The following FMN2 variants were observed in gnomAD, a reference collection of about 807,000 sequenced individuals.
FMN2 encodes formin-2.
FMN2 carries 51 observed loss-of-function variants against 142.3 expected under a neutral mutation model. That is an observed-to-expected ratio of 0.36 (90% CI 0.29 to 0.45). FMN2 has a LOEUF of 0.45. FMN2 is among the 20% of genes least tolerant of loss of function. The pLI is 1.00. For synonymous variants in FMN2, 882 were observed against 869.8 expected (o/e 1.01, Z -0.25); for missense variants, 1,936 against 2,122.8 (o/e 0.91, Z 1.73).
chr1:240,161,193 C>T (rs183539133), intron 2 of FMN2, among the ~76,000 whole-genome samples: 10 of 152,162 alleles, frequency 6.6e-5, no homozygotes, highest in Admixed American at 4.6e-4. Context: ...TGCGTGAATG[C>T]GTGCTTGTGT....
intron 14 of FMN2, among the ~76,000 whole-genome samples, chr1:240,358,475 A>C (rs1406557632): frequency 6.6e-6 from 1 of 152,208 alleles, no homozygotes; most frequent in East Asian, 1.9e-4. Flanking sequence ...CCATTTTCAC[A>C]CTGCTATAAA....
intron 15 of FMN2, among the ~76,000 whole-genome samples, chr1:240,421,538 G>A (rs556689338): frequency 5.4e-4 from 82 of 152,022 alleles, no homozygotes; most frequent in Middle Eastern, 3.4e-3. Context: ...TTCCAACACC[G>A]TTTGTTGAAA....
At chr1:240,155,952 T>A (rs1317002089) in intron 2 of FMN2, among the ~76,000 whole-genome samples, 1 of 151,342 alleles carries the variant, frequency 6.6e-6, no homozygotes, top group Non-Finnish European at 1.5e-5. Context: ...TATATCACCG[T>A]AAAGGGACAG....
intron 13 of FMN2, among the ~76,000 whole-genome samples, chr1:240,347,531 T>G (rs1671948733): frequency 6.6e-6 from 1 of 152,184 alleles, no homozygotes; most frequent in African/African-American, 2.4e-5. Context: ...ACTTTTCTTT[T>G]TTACTTTATA....
At chr1:240,166,100 A>G (rs1664470428) in intron 2 of FMN2, among the ~76,000 whole-genome samples, 2 of 150,760 alleles carry the variant, frequency 1.3e-5, no homozygotes, top group African/African-American at 4.9e-5. Flanking sequence ...TTCAAGATAT[A>G]TATAAACTCA....
At chr1:240,221,605 TGTAGATTCTG>T (rs1304752690) in intron 6 of FMN2, among the ~76,000 whole-genome samples, 26 of 152,180 alleles carry the variant, frequency 1.7e-4, no homozygotes, top group Non-Finnish European at 3.1e-4. Context: ...TTAAGTTCTT[TGTAGATTCTG>T]GTAGATTCTG....
chr1:240,327,690 T>G (rs1390081837), intron 8 of FMN2, among the ~76,000 whole-genome samples: 1 of 152,120 alleles, frequency 6.6e-6, no homozygotes, highest in East Asian at 1.9e-4. Context: ...GATTTGTGCT[T>G]CTTGAAGTCT....
chr1:240,092,448 C>T lies in FMN2; in HGVS notation c.339C>T (p.Ser113=). Residue 113 remains serine, a synonymous_variant, in exon 1 of 18, where the codon TCC becomes TCT. Transcript: ENST00000319653. ...LQTGELDSAH[S]LLTKTPDLSL... The stretch of plus-strand genomic sequence containing the variant: ...CCGGGGAGCTGGACAGCGCTCACTC[C>T]CTGCTCACCAAGACTCCAGACCTCA... The T allele has an allele frequency of 1.2e-6, 2 of 1,610,448 alleles. No individual in the cohort carries two copies. Among genetic ancestry groups the T allele is most frequent in the Admixed American group, 1.7e-5 (1 of 59,616 alleles).
intron 13 of FMN2, chr1:240,341,619 A>ATTGTGATAGAGACCTTCT: frequency 6.6e-6 from 1 of 152,358 alleles, no homozygotes; most frequent in African/African-American, 2.4e-5. Context: ...GAGTTGAAGA[A>ATTGTGATAGAGACCTTCT]TTGTGATAGA....
At chr1:240,311,401 A>G (rs1670600259) in intron 8 of FMN2, among the ~76,000 whole-genome samples, 1 of 152,200 alleles carries the variant, frequency 6.6e-6, no homozygotes, top group African/African-American at 2.4e-5. Flanking sequence ...TTCAAACAAA[A>G]ATGAGAGGAG....
chr1:240,213,143 A>T (rs1042030429), intron 6 of FMN2, among the ~76,000 whole-genome samples: 33 of 152,308 alleles, frequency 2.2e-4, no homozygotes, highest in African/African-American at 7.9e-4. Context: ...GTCTCAGCAT[A>T]TAAACAGTGC....
chr1:240,306,581 C>G (rs1348927681), intron 8 of FMN2, among the ~76,000 whole-genome samples: 1 of 152,176 alleles, frequency 6.6e-6, no homozygotes, highest in Non-Finnish European at 1.5e-5. Flanking sequence ...AACATGACTT[C>G]ATTCTTTTCA....
rs1379980736 is a variant in FMN2, at chr1:240,329,056, T to C, written c.4216-20T>C. On this transcript the variant is annotated intron_variant, in intron 8 of 17. Coordinates refer to ENST00000319653, the MANE Select transcript of FMN2 (RefSeq NM_020066.5). ...CAGTTGGCCAGACTTTGAAAAACTA[T>C]TTGGTTTTTGTTTTTCTAGAGAGCA... 1.9e-6 allele frequency: 3 copies of C among 1,607,478 alleles called. No individual in the cohort carries two copies. Among genetic ancestry groups the C allele is most frequent in the Non-Finnish European group, 2.6e-6 (3 of 1,175,362 alleles).
At chr1:240,103,038 C>T (rs1661468249) in intron 1 of FMN2, among the ~76,000 whole-genome samples, 2 of 151,802 alleles carry the variant, frequency 1.3e-5, no homozygotes, top group Non-Finnish European at 2.9e-5. Context: ...CCGATTTTTG[C>T]ATTTTTTTGT....
At chr1:240,419,279 C>T (rs1437500110) in intron 15 of FMN2, among the ~76,000 whole-genome samples, 1 of 152,222 alleles carries the variant, frequency 6.6e-6, no homozygotes, top group Non-Finnish European at 1.5e-5. Context: ...TCAGTGCTAT[C>T]TCTTTTCTGG....
rs775587087 is a variant in FMN2, at chr1:240,206,996, A to G, written c.2184A>G (p.Leu728=). The change falls in exon 5 of 18, where the codon TTA becomes TTG. Residue 728 remains leucine (L), a synonymous_variant. Transcript: ENST00000319653. The stretch of plus-strand genomic sequence containing the variant: ...ATGTCTGTCTCGAAGCTCTCAGGTT[A>G]GAAGAAAAGGAAGTACGGCATCATA... ...SGDVCLEALR[L]EEKEVRHHRI... 6.2e-7 allele frequency: 1 copy of G among 1,614,082 alleles called. No individual in the cohort carries two copies. Among genetic ancestry groups the G allele is most frequent in the African/African-American group, 1.3e-5 (1 of 74,934 alleles).
At chr1:240,184,166 C>A (rs1295635662) in intron 3 of FMN2, among the ~76,000 whole-genome samples, 1 of 150,684 alleles carries the variant, frequency 6.6e-6, no homozygotes, top group Non-Finnish European at 1.5e-5. Context: ...CATTTGGAGT[C>A]CATAGGGAGT....
At chr1:240,185,076 C>G (rs1301627467) in intron 3 of FMN2, among the ~76,000 whole-genome samples, 6 of 148,064 alleles carry the variant, frequency 4.1e-5, no homozygotes, top group South Asian at 2.2e-4. Context: ...TTCTCTTTCT[C>G]CCTCCTATAC....
At chr1:240,157,219 G>T (rs1051946990) in intron 2 of FMN2, among the ~76,000 whole-genome samples, 1 of 152,222 alleles carries the variant, frequency 6.6e-6, no homozygotes, top group African/African-American at 2.4e-5. Context: ...TAACTTTAAC[G>T]TTTCATGCTG....
Sources: gnomAD v4.1 joint callset for allele counts (sites outside exome capture counted in the v4.1 genomes callset) on GRCh38, gnomAD v4.1.1 for gene constraint, MANE v1.5 for transcripts, NCBI Gene and HGNC (gene_info 2026-07-23, HGNC 2026-07-21) for gene names.